Variants in DUSP8 observed in about 807,000 individuals in gnomAD.
The protein encoded by DUSP8 is dual specificity phosphatase 8, also known as dual specificity protein phosphatase 8.
A neutral mutation model predicts 38.7 loss-of-function variants in DUSP8; 15 were observed. The observed-to-expected ratio is 0.39, with a 90% confidence interval of 0.26 to 0.60. The LOEUF (loss-of-function observed/expected upper bound fraction) is 0.60, where lower values mean the gene tolerates loss of function less well. Ranked by LOEUF, DUSP8 falls within the 20% of genes least tolerant of loss-of-function variation. The probability of loss-of-function intolerance (pLI) is 0.56; values close to 1 mark genes in which losing one functional copy is unlikely to be tolerated. For synonymous variants in DUSP8, 458 were observed against 433.9 expected (o/e 1.06, Z -0.69); for missense variants, 768 against 915.0 (o/e 0.84, Z 2.07).
At chr11:1,562,623 G>A (rs1007831400) in intron 3 of DUSP8, among the ~76,000 whole-genome samples, 2 of 151,870 alleles carry the variant, frequency 1.3e-5, no homozygotes, top group Admixed American at 6.6e-5. Flanking sequence ...GCACATATGC[G>A]CACACACAGG....
At position 1,558,005 on chromosome 11, in the gene DUSP8, G is replaced by A; in HGVS notation, c.698-88C>T. 1 of 1,609,888 alleles carries A rather than the reference G, an allele frequency of 6.2e-7. No homozygotes were observed. The highest frequency in any genetic ancestry group is 8.5e-7 in the Non-Finnish European group (1 of 1,177,550). ...GGTAGGGGACCCCACCCGCCCAACT[G>A]CCAACAGTTCCGGCTACTTCCTGGG... On this transcript the variant is annotated intron_variant, in intron 5 of 6. Transcript: ENST00000397374. The surrounding 1 kb of genome is among the most constrained non-coding windows in gnomAD (Gnocchi z 6.3).
chr11:1,565,545 A>G, intron 2 of DUSP8, 51 bp downstream of exon 2: 20 of 1,452,896 alleles, frequency 1.4e-5, no homozygotes, highest in Non-Finnish European at 1.7e-5. Context: ...AGGGCCCCTT[A>G]GCTGTGGACC....
Position 1,555,098 on chromosome 11 carries a change from CCA to C in DUSP8, c.*1418_*1419del, listed in dbSNP as rs752988891. On this transcript the variant is annotated 3_prime_UTR_variant, in exon 7 of 7. Transcript: ENST00000397374. Reference sequence around the variant, plus strand: ...CTCCGGCCAAGCCCCTGGCCTCTTCCCACAGTGACTGGCCCCACTCCTAGACC... The same window carrying C: ...CTCCGGCCAAGCCCCTGGCCTCTTCCCAGTGACTGGCCCCACTCCTAGACC... 14 of 987,240 alleles carry C rather than the reference CCA, an allele frequency of 1.4e-5. No individual in the cohort carries two copies. Among genetic ancestry groups the C allele is most frequent in the African/African-American group, 1.7e-5 (1 of 57,264 alleles). 61.2% of individuals were successfully genotyped at this position (987,240 alleles called of 1,614,324 possible).
chr11:1,565,748 G>GC lies in DUSP8; in HGVS notation c.78dup (p.Pro27AlafsTer64). ...AAGGAGCGGCTGTCGATGACCAGCG[G>GC]CCCCCCAGGCCCGCCCCGCAGCAGG... On this transcript the variant is annotated frameshift_variant, in exon 2 of 7. Coordinates refer to ENST00000397374, the MANE Select transcript of DUSP8 (RefSeq NM_004420.3). LOFTEE classifies it high-confidence loss of function. 1 of 1,611,650 alleles carries GC rather than the reference G, an allele frequency of 6.2e-7. No homozygotes were observed. Among genetic ancestry groups the GC allele is most frequent in the Non-Finnish European group, 8.5e-7 (1 of 1,179,582 alleles).
In DUSP8 at chr11:1,557,736, G is replaced by A. The variant is rs1271414874; in HGVS notation, c.821+58C>T. Reference sequence around the variant, plus strand: ...GGGGTCATTCTGGTGCAAGTGGGCAGCCGGGGGAAGGGAAGCGACGCTGTG... The same window carrying A: ...GGGGTCATTCTGGTGCAAGTGGGCAACCGGGGGAAGGGAAGCGACGCTGTG... On this transcript the variant is annotated intron_variant, in intron 6 of 6. Transcript: ENST00000397374. The surrounding 1 kb of genome is among the most constrained non-coding windows in gnomAD (Gnocchi z 9.9). 1.4e-5 allele frequency: 23 copies of A among 1,607,444 alleles called. No homozygotes were observed. The highest frequency in any genetic ancestry group is 6.7e-5 in the East Asian group (3 of 44,862).
intron 1 of DUSP8, among the ~76,000 whole-genome samples, chr11:1,568,498 A>G (rs1848840146): frequency 6.6e-6 from 1 of 152,168 alleles, no homozygotes; most frequent in Non-Finnish European, 1.5e-5. Context: ...AAGGGGATTC[A>G]TTAGCAAGTT....
chr11:1,559,947 C>T (rs1293595287), intron 3 of DUSP8, among the ~76,000 whole-genome samples: 2 of 152,226 alleles, frequency 1.3e-5, no homozygotes, highest in African/African-American at 4.8e-5. Context: ...CCTCCTCCTG[C>T]CTGCCACACA....
In DUSP8 at chr11:1,558,995, A is replaced by G. The variant is rs761859937; in HGVS notation, c.431T>C (p.Leu144Pro). The G allele has an allele frequency of 1.2e-6, 2 of 1,610,296 alleles. No homozygotes were observed. The highest frequency in any genetic ancestry group is 8.5e-7 in the Non-Finnish European group (1 of 1,179,192). The change falls in exon 4 of 7, where the codon CTG becomes CCG. Residue 144 changes from leucine (L) to proline (P), a missense_variant. By Grantham distance (98) the Leu-to-Pro change is moderately conservative (BLOSUM62 -3). This residue lies in a region of DUSP8 where 252 missense variants were observed against 410.4 expected (regional missense o/e 0.61). Coordinates refer to ENST00000397374, the MANE Select transcript of DUSP8 (RefSeq NM_004420.3). This position sits in a 1 kb window ranked among gnomAD's most constrained non-coding sequence, Gnocchi z 6.3. ...GGGCTGGGAGAGGCTCATGGGTAGC[A>G]GGGCAGCAGGCTTGCCCTCGCAGAG... ...PGLCEGKPAALLPMSLSQPCL... is the reference protein window; with the variant it reads ...PGLCEGKPAAPLPMSLSQPCL...
chr11:1,566,352 T>G (rs1268147430), intron 1 of DUSP8, among the ~76,000 whole-genome samples: 2 of 152,136 alleles, frequency 1.3e-5, no homozygotes, highest in African/African-American at 4.8e-5. Context: ...TCAAGCTCTC[T>G]GCCCTCCTCC....
Position 1,558,048 on chromosome 11 carries a change from T to C in DUSP8, c.697+64A>G. ...TTCCTGGGGACCCCTCCTGTGTCTG[T>C]GGCCACACACAGCTCTAGCCTTCCT... On this transcript the variant is annotated intron_variant, in intron 5 of 6. Transcript: ENST00000397374. The surrounding 1 kb of genome is among the most constrained non-coding windows in gnomAD (Gnocchi z 6.3). 6.2e-7 allele frequency: 1 copy of C among 1,611,290 alleles called. No individual in the cohort carries two copies. Among genetic ancestry groups the C allele is most frequent in the Non-Finnish European group, 8.5e-7 (1 of 1,179,210 alleles).
chr11:1,556,608 C>T lies in DUSP8; in HGVS notation c.1788G>A (p.Met596Ile). ...CCTCGCCGCGCGCGCGCCCCTCCAC[C>T]ATGCCCTCCTCGAACTCCATCTGGC... The part of the protein sequence containing the change: ...RSCQMEFEEG[M>I]VEGRARGEEL... The change falls in exon 7 of 7, where the codon ATG becomes ATA. Residue 596 changes from methionine (M) to isoleucine (I), a missense_variant. Around this residue, in one of 3 missense-constraint regions of DUSP8, gnomAD observed 42 missense variants for 73.7 expected, o/e 0.57. Transcript: ENST00000397374. The surrounding 1 kb of genome is among the most constrained non-coding windows in gnomAD (Gnocchi z 5.2). 1 of 1,441,538 alleles carries T rather than the reference C, an allele frequency of 6.9e-7. No homozygotes were observed. The highest frequency in any genetic ancestry group is 9.1e-7 in the Non-Finnish European group (1 of 1,098,522). The allele number at this position is 1,441,538 out of a possible 1,614,324, so 89.3% of individuals were successfully genotyped here. A position where few individuals can be genotyped will look rare whatever the true frequency, so the allele number is the denominator to read the frequency against.
chr11:1,559,357 GCTGGCCA>G, intron 3 of DUSP8: 1 of 411,076 alleles, frequency 2.4e-6, no homozygotes. Flanking sequence ...CGTTGAGGTG[GCTGGCCA>G]TCACGGCACG....
upstream of DUSP8, chr11:1,572,842 C>T (rs1365679883): frequency 6.6e-6 from 1 of 152,188 alleles, no homozygotes; most frequent in Non-Finnish European, 1.5e-5. The surrounding 1 kb of genome is among the most constrained non-coding windows in gnomAD (Gnocchi z 4.7). Context: ...ACCTGGGACC[C>T]TCAGAGGCGA....
At position 1,557,458 on chromosome 11, in the gene DUSP8, G is replaced by T; in HGVS notation, c.938C>A (p.Pro313His). The T allele has an allele frequency of 6.4e-7, 1 of 1,563,522 alleles. No individual in the cohort carries two copies. Residue 313 changes from proline (P) to histidine (H), a missense_variant, in exon 7 of 7, where the codon CCC (proline) becomes CAC (histidine). By Grantham distance (77) the Pro-to-His change is moderately conservative (BLOSUM62 -2). This residue lies in a region of DUSP8 where 474 missense variants were observed against 430.8 expected (regional missense o/e 1.10). Transcript: ENST00000397374. This position sits in a 1 kb window ranked among gnomAD's most constrained non-coding sequence, Gnocchi z 9.9. The stretch of plus-strand genomic sequence containing the variant: ...GGGCGGAGGCTCCGGCGTCCCTGAG[G>T]GGGTGCCCGGGTCGCCCTGCAGGGC... Reference protein sequence around the residue: ...LAALQGDPGTPSGTPEPPPSP... With the variant: ...LAALQGDPGTHSGTPEPPPSP...
chr11:1,570,027 T>G (rs1848863672), intron 1 of DUSP8, among the ~76,000 whole-genome samples: 1 of 152,142 alleles, frequency 6.6e-6, no homozygotes, highest in Non-Finnish European at 1.5e-5. Context: ...TGGCTAGTGC[T>G]GTAGGACCCA....
chr11:1,571,035 T>TGCA (rs1223769660), intron 1 of DUSP8, among the ~76,000 whole-genome samples: 4 of 138,382 alleles, frequency 2.9e-5, no homozygotes, highest in African/African-American at 1.1e-4. Flanking sequence ...CCCCCATCAC[T>TGCA]GCAGCACCAG....
At position 1,557,861 on chromosome 11, in the gene DUSP8, G is replaced by C; in HGVS notation, c.754C>G (p.Arg252Gly). The C allele has an allele frequency of 6.2e-7, 1 of 1,613,980 alleles. No homozygotes were observed. The highest frequency in any genetic ancestry group is 8.5e-7 in the Non-Finnish European group (1 of 1,180,020). ...TAGGCGATGGCGATGGTGGCAGAGC[G>C]GGAGATGCCAGCCAGACAGTGGACG... is the stretch of plus-strand genomic sequence containing the variant. The part of the protein sequence containing the change: ...VIVHCLAGIS[R>G]SATIAIAYIM... The change falls in exon 6 of 7, where the codon CGC becomes GGC. Residue 252 changes from arginine (R) to glycine (G), a missense_variant. Arg to Gly is a moderately radical substitution (Grantham distance 125). Around this residue, in one of 3 missense-constraint regions of DUSP8, gnomAD observed 252 missense variants for 410.4 expected, o/e 0.61. Coordinates refer to ENST00000397374, the MANE Select transcript of DUSP8 (RefSeq NM_004420.3). This position sits in a 1 kb window ranked among gnomAD's most constrained non-coding sequence, Gnocchi z 9.9.
intron 3 of DUSP8, among the ~76,000 whole-genome samples, chr11:1,561,006 A>G (rs554772917): frequency 6.6e-6 from 1 of 152,228 alleles, no homozygotes; most frequent in East Asian, 1.9e-4. Flanking sequence ...GGACCTCCCC[A>G]GGCGGAGCAG....
In DUSP8 at chr11:1,558,067, C is replaced by G; in HGVS notation, c.697+45G>C. Reference sequence around the variant, plus strand: ...TGTCTGTGGCCACACACAGCTCTAGCCTTCCTCTAGCCAGGTCCCTGCCCT... The same window carrying G: ...TGTCTGTGGCCACACACAGCTCTAGGCTTCCTCTAGCCAGGTCCCTGCCCT... On this transcript the variant is annotated intron_variant, in intron 5 of 6. Coordinates refer to ENST00000397374, the MANE Select transcript of DUSP8 (RefSeq NM_004420.3). The surrounding 1 kb of genome is among the most constrained non-coding windows in gnomAD (Gnocchi z 6.3). The G allele has an allele frequency of 1.2e-6, 2 of 1,611,638 alleles. No homozygotes were observed. Among genetic ancestry groups the G allele is most frequent in the South Asian group, 1.1e-5 (1 of 90,994 alleles).
Sources: allele counts gnomAD v4.1 joint callset (sites outside exome capture counted in the v4.1 genomes callset), GRCh38; gene constraint gnomAD v4.1.1; regional missense constraint gnomAD v4.1.1; non-coding constraint Gnocchi (gnomAD v3.1); transcripts MANE v1.5; gene names NCBI Gene and HGNC (gene_info 2026-07-23, HGNC 2026-07-21).